Variants in CYLC2 observed in about 807,000 individuals in gnomAD.
The protein encoded by CYLC2 is cylicin-2.
In CYLC2, 30 loss-of-function variants were observed where a neutral mutation model predicts 26.1. The observed-to-expected ratio is 1.15, with a 90% CI of 0.86 to 1.56. The LOEUF is 1.56. Ranked by LOEUF, CYLC2 falls within the 40% of genes most tolerant of loss-of-function variation. The probability of loss-of-function intolerance (pLI) is 0.00; values close to 1 mark genes in which losing one functional copy is unlikely to be tolerated. For synonymous variants in CYLC2, 158 were observed against 132.8 expected (o/e 1.19, Z -1.31); for missense variants, 498 against 394.4 (o/e 1.26, Z -2.23).
At chr9:103,014,391 TA>T (rs1398878283) in intron 6 of CYLC2, among the ~76,000 whole-genome samples, 3 of 125,554 alleles carry the variant, frequency 2.4e-5, no homozygotes, top group South Asian at 2.6e-4. Flanking sequence ...TTACGTAATA[TA>T]ACATAATGTA....
chr9:103,015,757 A>G (rs1385773106), intron 6 of CYLC2, among the ~76,000 whole-genome samples: 3 of 149,632 alleles, frequency 2.0e-5, no homozygotes, highest in African/African-American at 7.3e-5. Context: ...TGTTTCTTAC[A>G]TCTAGTTTTA....
intron 6 of CYLC2, among the ~76,000 whole-genome samples, chr9:103,013,779 T>C (rs1263012328): frequency 3.7e-5 from 4 of 107,868 alleles, no homozygotes; most frequent in Non-Finnish European, 6.8e-5. Context: ...ATATTATATA[T>C]TATATGATTA....
In CYLC2 at chr9:103,005,989, T is replaced by C. The variant is rs948518279; in HGVS notation, c.*311T>C. ...TTAAAGAAGAATATTCAGATAAGGA[T>C]GTTGAAGATAATGACACTAAATCTA... is the stretch of plus-strand genomic sequence containing the variant. On this transcript the variant is annotated 3_prime_UTR_variant, in exon 5 of 8. Transcript: ENST00000374798. 5 of 234,936 alleles carry C rather than the reference T, an allele frequency of 2.1e-5. No individual in the cohort carries two copies. The Admixed American group carries it at 2.1e-4, about 10-fold the overall frequency. The allele number at this position is 234,936 out of a possible 1,614,324, so 14.6% of individuals were successfully genotyped here. A position where few individuals can be genotyped will look rare whatever the true frequency, so the allele number is the denominator to read the frequency against.
intron 1 of CYLC2, among the ~76,000 whole-genome samples, chr9:102,999,825 G>A (rs1156323779): frequency 6.6e-6 from 1 of 151,820 alleles, no homozygotes; most frequent in African/African-American, 2.4e-5. Flanking sequence ...AGATGATCAT[G>A]ATGTATTAGC....
intron 2 of CYLC2, among the ~76,000 whole-genome samples, chr9:103,002,357 C>CCCTTTTTTTTTTTTTTTTTTTT (rs1564096841): frequency 1.3e-5 from 1 of 77,620 alleles, no homozygotes; most frequent in Non-Finnish European, 2.3e-5. Context: ...CATTTGCCCC[C>CCCTTTTTTTTTTTTTTTTTTTT]TTTTTTTTTT....
At chr9:103,014,005 TATA>T (rs1829454972) in intron 6 of CYLC2, among the ~76,000 whole-genome samples, 1 of 109,008 alleles carries the variant, frequency 9.2e-6, no homozygotes, top group Admixed American at 1.1e-4. Context: ...ACAGTTATAT[TATA>T]ATATATTAAA....
intron 6 of CYLC2, among the ~76,000 whole-genome samples, chr9:103,015,152 TG>T (rs1409666296): frequency 1.8e-4 from 1 of 5,592 alleles, no homozygotes; most frequent in African/African-American, 5.2e-4. Context: ...GTATATCACG[TG>T]ATATACATAA....
intron 5 of CYLC2, among the ~76,000 whole-genome samples, chr9:103,007,990 G>A (rs564584235): frequency 3.3e-5 from 5 of 150,546 alleles, no homozygotes; most frequent in Admixed American, 3.3e-4. Flanking sequence ...ATGGCAGAGG[G>A]AGTCAAATCC....
chr9:103,015,395 A>ATTG (rs1351006146), intron 6 of CYLC2, among the ~76,000 whole-genome samples: 1 of 132,686 alleles, frequency 7.5e-6, no homozygotes, highest in Non-Finnish European at 1.6e-5. Flanking sequence ...AAATATATAT[A>ATTG]TATGCTTATT....
chr9:103,009,693 T>C (rs967093338), intron 5 of CYLC2, among the ~76,000 whole-genome samples: 1 of 151,828 alleles, frequency 6.6e-6, no homozygotes, highest in African/African-American at 2.4e-5. Context: ...GCATTAACGA[T>C]TCTCATCTCT....
At chr9:103,014,935 GTATACATAA>G (rs985624878) in intron 6 of CYLC2, among the ~76,000 whole-genome samples, 13 of 126,054 alleles carry the variant, frequency 1.0e-4, no homozygotes, top group Non-Finnish European at 1.2e-4. Flanking sequence ...ATATTATGTA[GTATACATAA>G]TACATGTAAT....
rs1287721158 is a variant in CYLC2, at chr9:103,014,117, T to C, written c.*816+2020T>C. Among the ~76,000 whole-genome samples, 2 of 120,672 alleles carry C rather than the reference T, an allele frequency of 1.7e-5. 1 individual carries two copies. The highest frequency in any genetic ancestry group is 4.9e-4 in the South Asian group (2 of 4,064). The allele number at this position is 120,672 out of a possible 152,430, so 79.2% of individuals were successfully genotyped here. A position where few individuals can be genotyped will look rare whatever the true frequency, so the allele number is the denominator to read the frequency against. ...ATAAAATTAAATATAATAAATATATTTTATATTATATTATAATATATTAAA... is the reference window on the plus strand; with the variant it reads ...ATAAAATTAAATATAATAAATATATCTTATATTATATTATAATATATTAAA... On this transcript the variant is annotated intron_variant, in intron 6 of 7. Coordinates refer to ENST00000374798, the MANE Select transcript of CYLC2 (RefSeq NM_001340.5).
intron 1 of CYLC2, among the ~76,000 whole-genome samples, chr9:102,998,031 A>G (rs952659130): frequency 1.3e-5 from 2 of 151,926 alleles, no homozygotes; most frequent in African/African-American, 4.8e-5. Context: ...TACATTGTTG[A>G]CAATGGGAAA....
intron 6 of CYLC2, among the ~76,000 whole-genome samples, chr9:103,012,639 A>ATCCAGTGAT (rs1166095938): frequency 6.6e-6 from 1 of 152,088 alleles, no homozygotes; most frequent in African/African-American, 2.4e-5. Flanking sequence ...TGTGGAAAGT[A>ATCCAGTGAT]TCCAGTGATA....
intron 5 of CYLC2, among the ~76,000 whole-genome samples, chr9:103,010,425 A>G (rs1185999981): frequency 1.3e-5 from 2 of 152,124 alleles, no homozygotes; most frequent in Admixed American, 1.3e-4. Context: ...ATTATCACTT[A>G]ATCCTCACAA....
In CYLC2 at chr9:103,005,123, T is replaced by A; in HGVS notation, c.492T>A (p.Gly164=). ...ATGCAAAGAAAGATAGCAAAAAAGGTAAAAAGGATGCAGAGAAGGGCAAAG... is the reference window on the plus strand; with the variant it reads ...ATGCAAAGAAAGATAGCAAAAAAGGAAAAAAGGATGCAGAGAAGGGCAAAG... The part of the protein sequence containing the change: ...KLDAKKDSKK[G]KKDAEKGKDS... The change falls in exon 5 of 8, where the codon GGT becomes GGA. Residue 164 remains glycine, a synonymous_variant. Transcript: ENST00000374798. The A allele has an allele frequency of 1.2e-6, 2 of 1,605,532 alleles. No homozygotes were observed. The highest frequency in any genetic ancestry group is 1.7e-6 in the Non-Finnish European group (2 of 1,176,800).
At chr9:103,014,143 T>C (rs10990436) in intron 6 of CYLC2, among the ~76,000 whole-genome samples, 23,477 of 120,402 alleles carry the variant, frequency 0.19, 2,573 homozygotes, top group South Asian at 0.38. Context: ...ATATATTAAA[T>C]ATATTATTTA....
intron 7 of CYLC2, among the ~76,000 whole-genome samples, chr9:103,017,346 CAAAGT>C (rs1468554995): frequency 6.6e-6 from 1 of 151,902 alleles, no homozygotes; most frequent in Non-Finnish European, 1.5e-5. Flanking sequence ...CCTATTTAAA[CAAAGT>C]AAAGGGCATC....
At position 103,005,137 on chromosome 9, in the gene CYLC2, A is replaced by G; in HGVS notation, c.506A>G (p.Glu169Gly). 6.2e-7 allele frequency: 1 copy of G among 1,607,484 alleles called. No homozygotes were observed. The highest frequency in any genetic ancestry group is 8.5e-7 in the Non-Finnish European group (1 of 1,177,946). Reference sequence around the variant, plus strand: ...AGCAAAAAAGGTAAAAAGGATGCAGAGAAGGGCAAAGACTCAGCAACAGAA... The same window carrying G: ...AGCAAAAAAGGTAAAAAGGATGCAGGGAAGGGCAAAGACTCAGCAACAGAA... Reference protein sequence around the residue: ...KDSKKGKKDAEKGKDSATESE... With the variant: ...KDSKKGKKDAGKGKDSATESE... The change falls in exon 5 of 8, where the codon GAG (glutamate) becomes GGG (glycine). Residue 169 changes from glutamate (E) to glycine (G), a missense_variant. Transcript: ENST00000374798.
Sources: gnomAD v4.1 joint callset for allele counts (sites outside exome capture counted in the v4.1 genomes callset) on GRCh38, gnomAD v4.1.1 for gene constraint, MANE v1.5 for transcripts, NCBI Gene and HGNC (gene_info 2026-07-23, HGNC 2026-07-21) for gene names.